GRID1: variants seen among roughly 807,000 people sequenced by gnomAD.
GRID1 encodes glutamate receptor ionotropic, delta-1.
GRID1 carries 28 observed loss-of-function variants against 98.0 expected under a neutral mutation model. That is an observed-to-expected ratio of 0.29 (90% CI 0.21 to 0.39). The LOEUF is 0.39. Among genes scored for constraint, GRID1 ranks in the 10% least tolerant of loss-of-function variants. The pLI is 1.00. For synonymous variants in GRID1, 553 were observed against 538.5 expected, an observed-to-expected ratio of 1.03 and a Z score of -0.37; for missense variants, 1,111 against 1,340.5, an observed-to-expected ratio of 0.83 and a Z score of 2.67.
chr10:86,107,324 G>C (rs1844405943), intron 4 of GRID1, among the ~76,000 whole-genome samples: 1 of 152,228 alleles, frequency 6.6e-6, no homozygotes, highest in African/African-American at 2.4e-5. Flanking sequence ...CTGGAGGTGT[G>C]CCCTGATAAC....
At chr10:85,640,573 T>C (rs1590170740) in intron 13 of GRID1, among the ~76,000 whole-genome samples, 1 of 152,198 alleles carries the variant, frequency 6.6e-6, no homozygotes, top group Non-Finnish European at 1.5e-5. Flanking sequence ...CTGCCACATA[T>C]GAGGCCAACT....
intron 2 of GRID1, among the ~76,000 whole-genome samples, chr10:86,313,841 C>T (rs1359052807): frequency 6.6e-6 from 1 of 152,214 alleles, no homozygotes; most frequent in Non-Finnish European, 1.5e-5. Context: ...CCCTGAGGGA[C>T]AGCTGGGCCT....
chr10:86,177,754 G>A lies in GRID1; in HGVS notation c.520+28610C>T, dbSNP rs568794307. Among the ~76,000 whole-genome samples the A allele has an allele frequency of 2.0e-4, 31 of 152,234 alleles. No homozygotes were observed. In the South Asian group the frequency reaches 3.9e-3, roughly 19 times the overall value. On this transcript the variant is annotated intron_variant, in intron 3 of 15. Coordinates refer to ENST00000327946, the MANE Select transcript of GRID1 (RefSeq NM_017551.3). Reference sequence around the variant, plus strand: ...TGTGCATGAGCGAGACAGTGTGTGCGTGCGTGTGTGTGCCTGTGTGTGCAT... The same window carrying A: ...TGTGCATGAGCGAGACAGTGTGTGCATGCGTGTGTGTGCCTGTGTGTGCAT...
chr10:86,046,186 C>A (rs941736678), intron 4 of GRID1, among the ~76,000 whole-genome samples: 8 of 152,184 alleles, frequency 5.3e-5, no homozygotes, highest in African/African-American at 1.9e-4. Context: ...GAAGTTACTA[C>A]CCTTCCCCTA....
intron 2 of GRID1, among the ~76,000 whole-genome samples, chr10:86,326,764 C>T (rs991887351): frequency 3.9e-5 from 6 of 152,154 alleles, no homozygotes; most frequent in African/African-American, 7.2e-5. Flanking sequence ...AAATTGGAGA[C>T]AAGAGTGGAG....
chr10:85,739,987 T>C (rs749705131), intron 8 of GRID1, among the ~76,000 whole-genome samples: 24 of 152,206 alleles, frequency 1.6e-4, no homozygotes, highest in Non-Finnish European at 2.9e-4. Context: ...TGAACTGTTT[T>C]ACCTAGAGGA....
At chr10:85,760,513 C>A (rs977629142) in intron 8 of GRID1, among the ~76,000 whole-genome samples, 1 of 152,188 alleles carries the variant, frequency 6.6e-6, no homozygotes, top group Non-Finnish European at 1.5e-5. Flanking sequence ...TTCCACCATT[C>A]ATTTTCTGCC....
chr10:86,263,460 C>T (rs538180538), intron 2 of GRID1, among the ~76,000 whole-genome samples: 2 of 152,342 alleles, frequency 1.3e-5, no homozygotes, highest in South Asian at 2.1e-4. Context: ...GGGGTTCCAG[C>T]GTGCAGCACC....
At chr10:86,136,961 T>C (rs1844936175) in intron 4 of GRID1, among the ~76,000 whole-genome samples, 1 of 152,030 alleles carries the variant, frequency 6.6e-6, no homozygotes, top group African/African-American at 2.4e-5. Flanking sequence ...AAAATAAAAG[T>C]TGAAATTTAA....
At position 86,275,835 on chromosome 10, in the gene GRID1, G is replaced by C. The variant is rs577320409; in HGVS notation, c.236-69187C>G. ...TTATGAGTGTTCCAGAAGGAGAAGA[G>C]AGAGATAAAGGGGAAGAAGAATATT... is the stretch of plus-strand genomic sequence containing the variant. On this transcript the variant is annotated intron_variant, in intron 2 of 15. Transcript: ENST00000327946. Among the ~76,000 whole-genome samples, 14 of 152,258 alleles carry C rather than the reference G, an allele frequency of 9.2e-5. No individual in the cohort carries two copies. In the South Asian group the frequency reaches 1.2e-3, roughly 14 times the overall value.
At position 86,093,911 on chromosome 10, in the gene GRID1, C is replaced by T. The variant is rs949448733; in HGVS notation, c.726+44908G>A. Among the ~76,000 whole-genome samples, 8 of 152,230 alleles carry T rather than the reference C, an allele frequency of 5.3e-5. No individual in the cohort carries two copies. The South Asian group carries it at 1.2e-3, about 24-fold the overall frequency. On this transcript the variant is annotated intron_variant, in intron 4 of 15. Transcript: ENST00000327946. ...GTAACCAAAAAAGAAAACTACAGAC[C>T]GATATCCTTGATGAACATAGATGCT...
chr10:85,818,884 A>AT (rs1395870967), intron 8 of GRID1, among the ~76,000 whole-genome samples: 2 of 151,832 alleles, frequency 1.3e-5, no homozygotes, highest in East Asian at 1.9e-4. Flanking sequence ...CACCTGGATA[A>AT]TTTTTTTGTA....
intron 4 of GRID1, among the ~76,000 whole-genome samples, chr10:86,034,907 TGGA>T (rs1215710341): frequency 5.0e-5 from 2 of 40,338 alleles, no homozygotes; most frequent in Admixed American, 2.1e-4. Context: ...GATTGGTGGA[TGGA>T]TGGATGGATG....
chr10:85,783,228 G>C (rs948818109), intron 8 of GRID1, among the ~76,000 whole-genome samples: 1 of 152,176 alleles, frequency 6.6e-6, no homozygotes, highest in African/African-American at 2.4e-5. Context: ...CAACAGCATC[G>C]CTAGCAGCAC....
intron 2 of GRID1, among the ~76,000 whole-genome samples, chr10:86,277,190 C>T (rs1564726707): frequency 6.6e-6 from 1 of 152,198 alleles, no homozygotes; most frequent in Non-Finnish European, 1.5e-5. Context: ...CTGAACAATA[C>T]ACTTAAAAAT....
intron 2 of GRID1, among the ~76,000 whole-genome samples, chr10:86,350,682 A>T (rs532975407): frequency 6.6e-6 from 1 of 151,778 alleles, no homozygotes; most frequent in Non-Finnish European, 1.5e-5. Context: ...GTAATTGTAC[A>T]TATTTATGGG....
chr10:85,843,267 T>C (rs1842976420), intron 8 of GRID1, among the ~76,000 whole-genome samples: 1 of 151,966 alleles, frequency 6.6e-6, no homozygotes, highest in Admixed American at 6.6e-5. Flanking sequence ...CAACCTAAAC[T>C]TCACAATGTC....
chr10:85,789,165 G>A (rs1317139196), intron 8 of GRID1, among the ~76,000 whole-genome samples: 2 of 152,048 alleles, frequency 1.3e-5, no homozygotes, highest in African/African-American at 4.8e-5. Context: ...TGCCCCCTCT[G>A]CTTGGATTCA....
In GRID1 at chr10:85,664,879, TCA is replaced by T. The variant is rs80348565; in HGVS notation, c.1998-17484_1998-17483del. On this transcript the variant is annotated intron_variant, in intron 12 of 15. Coordinates refer to ENST00000327946, the MANE Select transcript of GRID1 (RefSeq NM_017551.3). ...CTAGGTATGTTAACTGTTTTCTGCC[TCA>T]GTTTCCTCATAAGCAATCAGAACTT... Among the ~76,000 whole-genome samples, 991 of 152,324 alleles carry T rather than the reference TCA, an allele frequency of 6.5e-3. 41 individuals are homozygous for T. In the East Asian group the frequency reaches 0.099, roughly 15 times the overall value.
Sources: allele counts gnomAD v4.1 joint callset (sites outside exome capture counted in the v4.1 genomes callset), GRCh38; gene constraint gnomAD v4.1.1; transcripts MANE v1.5; gene names NCBI Gene and HGNC (gene_info 2026-07-23, HGNC 2026-07-21).